DNER: variants seen among roughly 807,000 people sequenced by gnomAD.
DNER encodes the protein delta/notch like EGF repeat containing, also known as delta and Notch-like epidermal growth factor-related receptor.
A neutral mutation model predicts 78.2 loss-of-function variants in DNER; 33 were observed. That is an observed-to-expected ratio of 0.42 (90% confidence interval 0.32 to 0.56). The LOEUF (loss-of-function observed/expected upper bound fraction) is 0.56. DNER is among the 20% of genes least tolerant of loss of function. The pLI, the probability that DNER is intolerant of heterozygous loss-of-function variation, is 0.11. For synonymous variants in DNER, 417 were observed against 384.8 expected (o/e 1.08, Z -0.98); for missense variants, 918 against 975.3 (o/e 0.94, Z 0.78).
chr2:229,546,459 G>T (rs1373172741), intron 5 of DNER, among the ~76,000 whole-genome samples: 6 of 152,266 alleles, frequency 3.9e-5, no homozygotes, highest in Non-Finnish European at 8.8e-5. Context: ...TATCAGGCTG[G>T]GCACAGTGGC....
chr2:229,569,312 A>T (rs1355174507), intron 4 of DNER, among the ~76,000 whole-genome samples: 1 of 152,158 alleles, frequency 6.6e-6, no homozygotes, highest in Non-Finnish European at 1.5e-5. Flanking sequence ...ACTTGAGGTC[A>T]GGAGTTTGAG....
At chr2:229,480,352 G>A (rs35954449) in intron 6 of DNER, among the ~76,000 whole-genome samples, 19,006 of 151,906 alleles carry the variant, frequency 0.13, 1,327 homozygotes, top group South Asian at 0.2. Flanking sequence ...TAGCAAAAGG[G>A]GAGTTTTTTA....
intron 1 of DNER, among the ~76,000 whole-genome samples, chr2:229,629,712 G>A (rs1249906161): frequency 2.0e-5 from 3 of 152,186 alleles, no homozygotes; most frequent in Admixed American, 6.5e-5. Context: ...AAGCATTCAC[G>A]TTTGAAAAGT....
intron 7 of DNER, among the ~76,000 whole-genome samples, chr2:229,475,619 C>T (rs911731954): frequency 3.3e-5 from 5 of 152,192 alleles, no homozygotes; most frequent in African/African-American, 1.2e-4. Context: ...GTAAAGTGCT[C>T]AGCAAATCAT....
rs189033185 is a variant in DNER at position 229,400,818 on chromosome 2, A to G, written c.1723+6414T>C. Among the ~76,000 whole-genome samples the G allele has an allele frequency of 2.4e-3, 362 of 152,196 alleles. 2 individuals carry two copies. The highest frequency in any genetic ancestry group is 3.6e-3 in the Non-Finnish European group (246 of 67,922). ...ACTCCCTTCTTGATAAGTGTGGACT[A>G]CACAACACTTTCTTTGGAAGGAAGT... On this transcript the variant is annotated intron_variant, in intron 10 of 12. Transcript: ENST00000341772.
intron 1 of DNER, among the ~76,000 whole-genome samples, chr2:229,700,829 G>A (rs1455237642): frequency 6.6e-6 from 1 of 151,176 alleles, no homozygotes; most frequent in Non-Finnish European, 1.5e-5. Context: ...GCTGAGACAG[G>A]AGAATCGCCT....
At chr2:229,399,338 C>A (rs73100225) in intron 10 of DNER, among the ~76,000 whole-genome samples, 32,230 of 151,244 alleles carry the variant, frequency 0.21, 3,942 homozygotes, top group East Asian at 0.52. Flanking sequence ...ATATACATAC[C>A]TACTTGGATA....
rs184679537 is a variant in DNER, at chr2:229,383,977, G to T, written c.1855+4288C>A. 2.2e-3 allele frequency among the ~76,000 whole-genome samples: 341 copies of T among 152,062 alleles called. 5 individuals carry two copies. Among genetic ancestry groups the T allele is most frequent in the African/African-American group, 7.5e-3 (311 of 41,494 alleles). ...TACACATTCTTCTCAGCACCACTTCGCACTTATTCTAAGATTGACCACATA... is the reference window on the plus strand; with the variant it reads ...TACACATTCTTCTCAGCACCACTTCTCACTTATTCTAAGATTGACCACATA... On this transcript the variant is annotated intron_variant, in intron 11 of 12. Transcript: ENST00000341772.
At chr2:229,680,547 G>A (rs1699369267) in intron 1 of DNER, among the ~76,000 whole-genome samples, 1 of 152,152 alleles carries the variant, frequency 6.6e-6, no homozygotes, top group South Asian at 2.1e-4. Flanking sequence ...AATCTGATGG[G>A]CCAGCAATTT....
chr2:229,432,732 AGG>A (rs1694035064), intron 8 of DNER, among the ~76,000 whole-genome samples: 2 of 152,234 alleles, frequency 1.3e-5, no homozygotes, highest in South Asian at 4.1e-4. Flanking sequence ...AGGGACTCTA[AGG>A]GTAGGGCCCA....
intron 1 of DNER, among the ~76,000 whole-genome samples, chr2:229,665,551 T>TA (rs568582703): frequency 1.3e-5 from 2 of 152,130 alleles, no homozygotes; most frequent in African/African-American, 2.4e-5. Context: ...AACAGTGTCA[T>TA]AAAAAAACTA....
chr2:229,583,179 T>G (rs530891052), intron 4 of DNER, among the ~76,000 whole-genome samples: 1 of 152,208 alleles, frequency 6.6e-6, no homozygotes, highest in Non-Finnish European at 1.5e-5. Context: ...AAAAGTAGTA[T>G]AAAATATGAA....
chr2:229,681,947 T>G (rs1372813210), intron 1 of DNER, among the ~76,000 whole-genome samples: 1 of 152,060 alleles, frequency 6.6e-6, no homozygotes, highest in Non-Finnish European at 1.5e-5. Context: ...TCTCAAGAAC[T>G]AGAAGCAGGC....
intron 6 of DNER, among the ~76,000 whole-genome samples, chr2:229,510,113 G>T (rs1695834241): frequency 6.7e-6 from 1 of 149,940 alleles, no homozygotes; most frequent in Admixed American, 6.7e-5. Context: ...GCAGATGAGA[G>T]ATCAAGCTAT....
chr2:229,420,491 T>C (rs1408807494), intron 8 of DNER, among the ~76,000 whole-genome samples: 2 of 152,198 alleles, frequency 1.3e-5, no homozygotes, highest in African/African-American at 4.8e-5. Flanking sequence ...CAAGAAGTCA[T>C]TCCTAAGGCC....
chr2:229,542,563 A>C (rs1696536175), intron 5 of DNER, among the ~76,000 whole-genome samples: 1 of 152,204 alleles, frequency 6.6e-6, no homozygotes, highest in African/African-American at 2.4e-5. Flanking sequence ...AGAAACAATA[A>C]AATTAAATCA....
At chr2:229,587,226 G>A (rs1034067278) in intron 3 of DNER, 1 of 154,752 alleles carries the variant, frequency 6.5e-6, no homozygotes, top group Non-Finnish European at 1.4e-5. Flanking sequence ...AACTAGCCCA[G>A]GACGGCAGGG....
chr2:229,579,704 G>A (rs1559172548), intron 4 of DNER, among the ~76,000 whole-genome samples: 1 of 152,098 alleles, frequency 6.6e-6, no homozygotes, highest in African/African-American at 2.4e-5. Context: ...TCAAAACCAA[G>A]GGCCCACTGA....
intron 11 of DNER, among the ~76,000 whole-genome samples, chr2:229,384,735 C>G (rs1425040938): frequency 6.6e-6 from 1 of 152,068 alleles, no homozygotes; most frequent in South Asian, 2.1e-4. Context: ...CCTGAATAGA[C>G]CAATAAGAAG....
Sources: gnomAD v4.1 joint callset for allele counts (sites outside exome capture counted in the v4.1 genomes callset) on GRCh38, gnomAD v4.1.1 for gene constraint, MANE v1.5 for transcripts, NCBI Gene and HGNC (gene_info 2026-07-23, HGNC 2026-07-21) for gene names.